Variants in ARHGAP32 observed in about 807,000 individuals in gnomAD.
The protein encoded by ARHGAP32 is Rho GTPase activating protein 32, also known as rho GTPase-activating protein 32.
A neutral mutation model predicts 186.5 loss-of-function variants in ARHGAP32; 51 were observed. That is an observed-to-expected ratio of 0.27 (90% CI 0.22 to 0.35). ARHGAP32 has a LOEUF of 0.35. Among genes scored for constraint, ARHGAP32 ranks in the 10% least tolerant of loss-of-function variants. ARHGAP32 has a pLI of 1.00. For missense variants in ARHGAP32, 2,186 were observed against 2,623.5 expected (o/e 0.83, Z 3.64); for synonymous variants, 950 against 964.3 (o/e 0.99, Z 0.27).
intron 1 of ARHGAP32, among the ~76,000 whole-genome samples, chr11:129,219,553 C>G (rs1439483131): frequency 6.6e-6 from 1 of 152,140 alleles, no homozygotes; most frequent in Non-Finnish European, 1.5e-5. Context: ...GAACTAAAGT[C>G]TTGCAAACCA....
chr11:129,128,655 C>T (rs1309054218), intron 2 of ARHGAP32, among the ~76,000 whole-genome samples: 2 of 151,160 alleles, frequency 1.3e-5, no homozygotes, highest in Non-Finnish European at 2.9e-5. Context: ...ACTGTACTGC[C>T]GCCATCTCGG....
intron 5 of ARHGAP32, among the ~76,000 whole-genome samples, chr11:129,108,241 T>G (rs1942104333): frequency 6.6e-6 from 1 of 152,172 alleles, no homozygotes; most frequent in African/African-American, 2.4e-5. Flanking sequence ...TCCAACCACT[T>G]GCTTTCTACA....
intron 1 of ARHGAP32, among the ~76,000 whole-genome samples, chr11:129,225,730 A>C (rs945993778): frequency 4.6e-5 from 7 of 152,200 alleles, no homozygotes; most frequent in African/African-American, 1.7e-4. Context: ...CCAAGAAATA[A>C]AATAGTATGG....
intron 6 of ARHGAP32, among the ~76,000 whole-genome samples, chr11:129,088,995 C>CAAAAAA (rs10601798): frequency 5.9e-5 from 5 of 84,764 alleles, no homozygotes; most frequent in Non-Finnish European, 9.8e-5. Context: ...GAGACCTTGT[C>CAAAAAA]AAAAAAAAAA....
rs201963681 is a variant in ARHGAP32, at chr11:128,973,677, GA to G, written c.3074-246del. 1,383 of 548,180 alleles carry G rather than the reference GA, an allele frequency of 2.5e-3. 8 individuals are homozygous for G. The East Asian group carries it at 0.028, about 11-fold the overall frequency. 34.0% of individuals were successfully genotyped at this position (548,180 alleles called of 1,614,324 possible). A position where few individuals can be genotyped will look rare whatever the true frequency, so the allele number is the denominator to read the frequency against. On this transcript the variant is annotated intron_variant, in intron 21 of 22. Coordinates refer to ENST00000682385, the MANE Select transcript of ARHGAP32 (RefSeq NM_001378024.1). ...CTTGAATTGTTACAGAGATGGGGGGGAAAAAAAGCATGTCCCTCACCTGGCT... is the reference window on the plus strand; with the variant it reads ...CTTGAATTGTTACAGAGATGGGGGGGAAAAAAGCATGTCCCTCACCTGGCT...
At chr11:129,019,900 T>G (rs1024338985) in intron 11 of ARHGAP32, among the ~76,000 whole-genome samples, 1 of 152,120 alleles carries the variant, frequency 6.6e-6, no homozygotes, top group South Asian at 2.1e-4. Context: ...ACCAAGAATG[T>G]GGAGAGACAG....
At chr11:129,030,300 G>A (rs1478618043) in intron 11 of ARHGAP32, among the ~76,000 whole-genome samples, 1 of 151,884 alleles carries the variant, frequency 6.6e-6, no homozygotes, top group African/African-American at 2.4e-5. Context: ...AAAAAGTGTT[G>A]GAAACTGAAA....
chr11:129,039,420 CT>C (rs1371022041), intron 11 of ARHGAP32, among the ~76,000 whole-genome samples: 10 of 152,228 alleles, frequency 6.6e-5, no homozygotes, highest in African/African-American at 2.2e-4. Context: ...ATACATGCTA[CT>C]GCACAGGTGA....
intron 2 of ARHGAP32, among the ~76,000 whole-genome samples, chr11:129,131,326 CAA>C (rs1942804692): frequency 6.6e-6 from 1 of 151,714 alleles, no homozygotes; most frequent in East Asian, 1.9e-4. Context: ...GTAAAAAGGT[CAA>C]GAGGAATTTT....
chr11:128,991,384 T>A lies in ARHGAP32; in HGVS notation c.1196-3259A>T, dbSNP rs1470982623. Among the ~76,000 whole-genome samples the A allele has an allele frequency of 2.6e-5, 4 of 152,036 alleles. No individual in the cohort carries two copies. The East Asian group carries it at 7.7e-4, about 29-fold the overall frequency. On this transcript the variant is annotated intron_variant, in intron 12 of 22. Transcript: ENST00000682385. ...AAATGAGTCATTTAATACAAATAGG[T>A]GGCAAAATGAAAGAAAAGCATAAAC...
At chr11:129,004,578 T>C (rs547501653) in intron 11 of ARHGAP32, among the ~76,000 whole-genome samples, 2 of 152,250 alleles carry the variant, frequency 1.3e-5, no homozygotes, top group East Asian at 1.9e-4. Context: ...TTTACAGTTG[T>C]TATATCTTTT....
intron 1 of ARHGAP32, among the ~76,000 whole-genome samples, chr11:129,224,945 C>T (rs1000161158): frequency 6.6e-6 from 1 of 151,816 alleles, no homozygotes; most frequent in Non-Finnish European, 1.5e-5. Context: ...GACTCTATCT[C>T]TATAAAAAAT....
intron 11 of ARHGAP32, among the ~76,000 whole-genome samples, chr11:129,039,751 AACGC>A (rs1414265193): frequency 5.3e-5 from 8 of 152,352 alleles, no homozygotes; most frequent in African/African-American, 1.2e-4. Flanking sequence ...AGTTTAAAAT[AACGC>A]CGTATTTTTA....
chr11:128,973,619 AAAAC>A (rs1297039934), intron 21 of ARHGAP32, 187 bp from the exon 22 acceptor site: 13 of 639,158 alleles, frequency 2.0e-5, no homozygotes, highest in East Asian at 1.1e-4. Flanking sequence ...AAGGAAAACT[AAAAC>A]AAACAGTGTA....
intron 2 of ARHGAP32, among the ~76,000 whole-genome samples, chr11:129,141,168 G>A (rs1016584334): frequency 1.3e-5 from 2 of 152,106 alleles, no homozygotes; most frequent in Non-Finnish European, 2.9e-5. Context: ...CATATTCCCA[G>A]ACATGATGGG....
At chr11:129,136,097 T>C (rs1023203980) in intron 2 of ARHGAP32, among the ~76,000 whole-genome samples, 2 of 151,942 alleles carry the variant, frequency 1.3e-5, no homozygotes, top group Non-Finnish European at 2.9e-5. Context: ...GTGCCCATAA[T>C]AGATAAAGAA....
chr11:128,968,985 A>G lies in ARHGAP32; in HGVS notation c.6228T>C (p.Ala2076=). ...GGAAGGCCCCTTGACCCAACGCTGT[A>G]GCATAGGTCCTGCTCTGTGGATGGG... ...GFPHPQSRTY[A]TALGQGAFLP... is the part of the protein sequence containing the mutation. The change falls in exon 23 of 23, where the codon GCT becomes GCC. Residue 2076 remains alanine, a synonymous_variant. Transcript: ENST00000682385. 3 of 1,601,436 alleles carry G rather than the reference A, an allele frequency of 1.9e-6. No individual in the cohort carries two copies. Among genetic ancestry groups the G allele is most frequent in the Non-Finnish European group, 2.6e-6 (3 of 1,171,122 alleles).
chr11:129,253,627 T>C (rs930958512), intron 1 of ARHGAP32, among the ~76,000 whole-genome samples: 1 of 152,172 alleles, frequency 6.6e-6, no homozygotes, highest in Non-Finnish European at 1.5e-5. Context: ...TGAATCCTCA[T>C]AGGGCAATCA....
At chr11:129,267,282 T>C (rs1945415052) in intron 1 of ARHGAP32, among the ~76,000 whole-genome samples, 1 of 152,152 alleles carries the variant, frequency 6.6e-6, no homozygotes, top group South Asian at 2.1e-4. Flanking sequence ...GAAAATCACT[T>C]GAACCTGGGA....
Sources: allele counts gnomAD v4.1 joint callset (sites outside exome capture counted in the v4.1 genomes callset), GRCh38; gene constraint gnomAD v4.1.1; transcripts MANE v1.5; gene names NCBI Gene and HGNC (gene_info 2026-07-23, HGNC 2026-07-21).